HS3ST4: variants seen among roughly 807,000 people sequenced by gnomAD.
HS3ST4 encodes the protein heparan sulfate glucosamine 3-O-sulfotransferase 4.
In HS3ST4, 17 loss-of-function variants were observed where a neutral mutation model predicts 29.2. The observed-to-expected ratio is 0.58, with a 90% CI of 0.40 to 0.87. The LOEUF (loss-of-function observed/expected upper bound fraction) is 0.87. Among genes scored for constraint, HS3ST4 ranks in the 40% least tolerant of loss-of-function variants. The pLI is 0.00. For missense variants in HS3ST4, 627 were observed against 634.5 expected, an observed-to-expected ratio of 0.99 and a Z score of 0.13; for synonymous variants, 314 against 285.7, an observed-to-expected ratio of 1.10 and a Z score of -1.00.
chr16:26,060,332 GT>G (rs1898460373), intron 1 of HS3ST4, among the ~76,000 whole-genome samples: 1 of 152,182 alleles, frequency 6.6e-6, no homozygotes, highest in Non-Finnish European at 1.5e-5. Context: ...GGGAAGAACA[GT>G]AAGGATACAT....
At chr16:25,707,165 T>C (rs2141583225) in intron 1 of HS3ST4, among the ~76,000 whole-genome samples, 1 of 152,278 alleles carries the variant, frequency 6.6e-6, no homozygotes, top group East Asian at 1.9e-4. Flanking sequence ...TACTTAATGA[T>C]GGCCCCAGAG....
intron 1 of HS3ST4, among the ~76,000 whole-genome samples, chr16:25,817,799 G>A (rs1967109310): frequency 1.3e-5 from 2 of 152,174 alleles, no homozygotes; most frequent in South Asian, 4.1e-4. Context: ...GTAATTCACT[G>A]TATATGGTTG....
intron 1 of HS3ST4, among the ~76,000 whole-genome samples, chr16:25,883,601 GT>G (rs1967916692): frequency 6.6e-6 from 1 of 152,344 alleles, no homozygotes; most frequent in African/African-American, 2.4e-5. Flanking sequence ...GGGAACCTAT[GT>G]GTCTTCTGGA....
chr16:26,123,439 T>C (rs1417060009), intron 1 of HS3ST4, among the ~76,000 whole-genome samples: 1 of 152,208 alleles, frequency 6.6e-6, no homozygotes, highest in Non-Finnish European at 1.5e-5. Flanking sequence ...CAGTGATTCC[T>C]ACCCTGAAAG....
chr16:25,903,113 G>T (rs1180365034), intron 1 of HS3ST4, among the ~76,000 whole-genome samples: 1 of 151,764 alleles, frequency 6.6e-6, no homozygotes, highest in African/African-American at 2.4e-5. Context: ...ATACTGGCTG[G>T]AAAGATTGCT....
chr16:25,953,317 C>T (rs376334479), intron 1 of HS3ST4, among the ~76,000 whole-genome samples: 24 of 152,318 alleles, frequency 1.6e-4, no homozygotes, highest in African/African-American at 5.8e-4. Flanking sequence ...CCTCAGCCTA[C>T]TCCACAAAGC....
rs559935170 is a variant in HS3ST4, at chr16:26,071,938, T to C, written c.735-63674T>C. On this transcript the variant is annotated intron_variant, in intron 1 of 1. Coordinates refer to ENST00000331351, the MANE Select transcript of HS3ST4 (RefSeq NM_006040.3). ...CGAGGGGTCTCAAATTGGAGCCAACTGGAAGCATATGACTTGGGCCAAATG... is the reference window on the plus strand; with the variant it reads ...CGAGGGGTCTCAAATTGGAGCCAACCGGAAGCATATGACTTGGGCCAAATG... Among the ~76,000 whole-genome samples, 19 of 152,294 alleles carry C rather than the reference T, an allele frequency of 1.2e-4. No homozygotes were observed. The South Asian group carries it at 3.7e-3, about 30-fold the overall frequency.
At chr16:25,894,119 G>A (rs1369265396) in intron 1 of HS3ST4, among the ~76,000 whole-genome samples, 2 of 152,108 alleles carry the variant, frequency 1.3e-5, no homozygotes, top group Non-Finnish European at 2.9e-5. Flanking sequence ...AATAACCTCA[G>A]TTCACTCCTT....
At chr16:25,783,484 T>C (rs1966854526) in intron 1 of HS3ST4, among the ~76,000 whole-genome samples, 1 of 152,018 alleles carries the variant, frequency 6.6e-6, no homozygotes, top group African/African-American at 2.4e-5. Flanking sequence ...TTTTTTTTTT[T>C]CTGCCAGTGG....
At chr16:25,808,110 A>G (rs1417801580) in intron 1 of HS3ST4, among the ~76,000 whole-genome samples, 1 of 152,164 alleles carries the variant, frequency 6.6e-6, no homozygotes. Context: ...GATCTCTCAC[A>G]CAGCAAAAGT....
At chr16:26,023,136 A>G (rs1259008920) in intron 1 of HS3ST4, among the ~76,000 whole-genome samples, 1 of 152,130 alleles carries the variant, frequency 6.6e-6, no homozygotes, top group African/African-American at 2.4e-5. Context: ...TGGATTTCTT[A>G]AGCATTTTTT....
intron 1 of HS3ST4, among the ~76,000 whole-genome samples, chr16:25,987,330 C>G (rs550586884): frequency 6.8e-6 from 1 of 147,654 alleles, no homozygotes; most frequent in Non-Finnish European, 1.5e-5. Flanking sequence ...GCCTGGGCAA[C>G]AAGAGCAAAA....
At chr16:25,863,553 C>T (rs1175278593) in intron 1 of HS3ST4, among the ~76,000 whole-genome samples, 1 of 152,148 alleles carries the variant, frequency 6.6e-6, no homozygotes, top group African/African-American at 2.4e-5. Context: ...TGAAGGTATT[C>T]TACGTAATCC....
intron 1 of HS3ST4, among the ~76,000 whole-genome samples, chr16:25,838,493 C>A (rs1967383233): frequency 6.6e-6 from 1 of 152,192 alleles, no homozygotes; most frequent in South Asian, 2.1e-4. Flanking sequence ...GATCGTGATT[C>A]ATATTTGCAG....
At chr16:26,013,272 A>C (rs1488183787) in intron 1 of HS3ST4, among the ~76,000 whole-genome samples, 5 of 152,138 alleles carry the variant, frequency 3.3e-5, no homozygotes, top group Non-Finnish European at 5.9e-5. Context: ...TGCTCAAAAA[A>C]CAACTGCCCA....
intron 1 of HS3ST4, among the ~76,000 whole-genome samples, chr16:26,002,248 T>C (rs1969217516): frequency 1.3e-5 from 2 of 151,974 alleles, no homozygotes; most frequent in Non-Finnish European, 2.9e-5. Flanking sequence ...TTTATGGAGG[T>C]GGTCATTAAT....
At chr16:25,697,275 A>G (rs1966304550) in intron 1 of HS3ST4, among the ~76,000 whole-genome samples, 1 of 152,192 alleles carries the variant, frequency 6.6e-6, no homozygotes, top group South Asian at 2.1e-4. Flanking sequence ...ATGTAATACA[A>G]ATTCTGGTGG....
At chr16:25,956,635 T>C (rs540963058) in intron 1 of HS3ST4, among the ~76,000 whole-genome samples, 8 of 152,346 alleles carry the variant, frequency 5.3e-5, no homozygotes, top group East Asian at 1.9e-4. Context: ...TCATAACTTA[T>C]GCTTTTATAT....
chr16:25,927,825 T>C (rs1968421453), intron 1 of HS3ST4, among the ~76,000 whole-genome samples: 1 of 152,048 alleles, frequency 6.6e-6, no homozygotes, highest in African/African-American at 2.4e-5. Flanking sequence ...ACCTACCATG[T>C]TCCAGATCCT....
Sources: allele counts gnomAD v4.1 joint callset (sites outside exome capture counted in the v4.1 genomes callset), GRCh38; gene constraint gnomAD v4.1.1; transcripts MANE v1.5; gene names NCBI Gene and HGNC (gene_info 2026-07-23, HGNC 2026-07-21).